The following MYRFL variants were observed in gnomAD, a reference collection of about 807,000 sequenced individuals.
MYRFL encodes the protein myelin regulatory factor like.
In MYRFL, 88 loss-of-function variants were observed where a neutral mutation model predicts 109.4. That is an observed-to-expected ratio of 0.80 (90% CI 0.68 to 0.96). The LOEUF (loss-of-function observed/expected upper bound fraction) is 0.96. MYRFL is among the 40% of genes least tolerant of loss of function. The probability of loss-of-function intolerance (pLI) is 0.00; values close to 1 mark genes in which losing one functional copy is unlikely to be tolerated. For missense variants in MYRFL, 957 were observed against 954.9 expected, an observed-to-expected ratio of 1.00 and a Z score of -0.03; for synonymous variants, 324 against 320.9, an observed-to-expected ratio of 1.01 and a Z score of -0.10.
At chr12:69,944,227 A>G (rs1431211053) in intron 19 of MYRFL, among the ~76,000 whole-genome samples, 3 of 132,750 alleles carry the variant, frequency 2.3e-5, no homozygotes, top group East Asian at 4.5e-4. Context: ...ATAAAGACAC[A>G]TGCACACGTA....
In MYRFL at chr12:69,934,416, GTGT is replaced by G. The variant is rs1367245676; in HGVS notation, c.1917-1695_1917-1693del. On this transcript the variant is annotated intron_variant, in intron 16 of 24. Coordinates refer to ENST00000552032, the MANE Select transcript of MYRFL (RefSeq NM_182530.3). ...AGAGGGGGTGTTAGGGTGCTAATTA[GTGT>G]TTTTAGCTCTGCCATCTGCAGCCCA... Among the ~76,000 whole-genome samples, 4 of 152,312 alleles carry G rather than the reference GTGT, an allele frequency of 2.6e-5. No individual in the cohort carries two copies. The East Asian group carries it at 7.7e-4, about 29-fold the overall frequency.
intron 2 of MYRFL, among the ~76,000 whole-genome samples, chr12:69,867,138 T>G (rs1233610964): frequency 6.6e-6 from 1 of 152,206 alleles, no homozygotes; most frequent in African/African-American, 2.4e-5. Flanking sequence ...AGTTGTCTGC[T>G]TAGGAGGAGC....
At chr12:69,940,769 G>A (rs1159021196) in intron 19 of MYRFL, among the ~76,000 whole-genome samples, 2 of 141,636 alleles carry the variant, frequency 1.4e-5, no homozygotes, top group African/African-American at 2.6e-5. Flanking sequence ...ACCCATCAGT[G>A]TGCTGTATTC....
Position 69,952,881 on chromosome 12 carries a change from G to C in MYRFL, c.2370G>C (p.Gln790His). ...ATCAGTATTGCATTCAAAGCCTCCA[G>C]TGCGGGTAGGTAAGCCTCCCCAGCA... ...IDHQYCIQSL[Q>H]CGSGNYNYNI... The change falls in exon 21 of 25, where the codon CAG becomes CAC. Residue 790 changes from glutamine to histidine, a missense_variant. Transcript: ENST00000552032. 1 of 1,533,716 alleles carries C rather than the reference G, an allele frequency of 6.5e-7. No homozygotes were observed.
chr12:69,898,746 A>G (rs1372087839), intron 10 of MYRFL, among the ~76,000 whole-genome samples: 1 of 152,216 alleles, frequency 6.6e-6, no homozygotes, highest in Non-Finnish European at 1.5e-5. Flanking sequence ...ATAGTCTGCT[A>G]GTCACCTGCA....
rs141398047 is a variant in MYRFL at position 69,831,939 on chromosome 12, T to G, written c.46+6376T>G. On this transcript the variant is annotated intron_variant, in intron 1 of 24. Coordinates refer to ENST00000552032, the MANE Select transcript of MYRFL (RefSeq NM_182530.3). ...TGCAATTTGGAGCATACAGGCAGGC[T>G]AGGTTGTCTTTGGTATGCTTGAAGA... Among the ~76,000 whole-genome samples, 13 of 152,280 alleles carry G rather than the reference T, an allele frequency of 8.5e-5. No individual in the cohort carries two copies. In the East Asian group the frequency reaches 2.5e-3, roughly 29 times the overall value.
At chr12:69,937,910 G>A (rs112132275) in intron 19 of MYRFL, among the ~76,000 whole-genome samples, 27 of 152,320 alleles carry the variant, frequency 1.8e-4, no homozygotes, top group African/African-American at 6.0e-4. Flanking sequence ...GCTAGGTACT[G>A]TCATAAGTAG....
intron 19 of MYRFL, chr12:69,947,110 G>A (rs1955858356): frequency 1.3e-5 from 2 of 152,180 alleles, no homozygotes; most frequent in African/African-American, 2.4e-5. Context: ...AAGAGGAGAA[G>A]TCTAGGAAAG....
At chr12:69,957,591 AC>A (rs1251722367) in intron 22 of MYRFL, among the ~76,000 whole-genome samples, 4 of 152,060 alleles carry the variant, frequency 2.6e-5, no homozygotes, top group Non-Finnish European at 5.9e-5. Flanking sequence ...AAAAAAAGAA[AC>A]CATCATATAC....
chr12:69,839,968 A>G (rs575759792), intron 1 of MYRFL, among the ~76,000 whole-genome samples: 62 of 152,320 alleles, frequency 4.1e-4, no homozygotes, highest in Admixed American at 2.0e-3. Flanking sequence ...TTTTATTATT[A>G]TACTCTACAT....
At chr12:69,889,351 T>G (rs943023954) in intron 6 of MYRFL, among the ~76,000 whole-genome samples, 1 of 152,212 alleles carries the variant, frequency 6.6e-6, no homozygotes, top group Non-Finnish European at 1.5e-5. Flanking sequence ...GCATTTAATA[T>G]GTTTTCTTTT....
At chr12:69,868,860 GCACA>G (rs925578780) in intron 2 of MYRFL, among the ~76,000 whole-genome samples, 1 of 152,008 alleles carries the variant, frequency 6.6e-6, no homozygotes, top group African/African-American at 2.4e-5. Context: ...GCACACATGT[GCACA>G]CACACGCGCA....
intron 1 of MYRFL, among the ~76,000 whole-genome samples, chr12:69,852,732 C>T (rs1257482309): frequency 2.0e-5 from 3 of 151,780 alleles, no homozygotes; most frequent in African/African-American, 7.3e-5. Context: ...GAGGACCCTG[C>T]CGCCTTCCGC....
intron 1 of MYRFL, among the ~76,000 whole-genome samples, chr12:69,836,859 T>C (rs1266032506): frequency 2.0e-5 from 3 of 152,154 alleles, no homozygotes; most frequent in African/African-American, 2.4e-5. Flanking sequence ...TTTGTGAAAA[T>C]GTTAGAAAAA....
intron 15 of MYRFL, among the ~76,000 whole-genome samples, chr12:69,928,978 T>A (rs1955186110): frequency 6.6e-6 from 1 of 152,182 alleles, no homozygotes; most frequent in South Asian, 2.1e-4. Context: ...TTTGCAGTTA[T>A]CTCAGAATAT....
intron 15 of MYRFL, among the ~76,000 whole-genome samples, 167 bp from the exon 16 acceptor site, chr12:69,932,346 T>A (rs1051078173): frequency 6.6e-6 from 1 of 152,222 alleles, no homozygotes; most frequent in Non-Finnish European, 1.5e-5. Context: ...TTTGAAAGAA[T>A]GTTGTTTTCA....
rs375204441 is a variant in MYRFL, at chr12:69,882,315, GAAAGA to G, written c.556+2027_556+2031del. On this transcript the variant is annotated intron_variant, in intron 5 of 24. Transcript: ENST00000552032. ...CAAGGCCAAAAAAAGAAAAAAGAAA[GAAAGA>G]AAAAAAAGACACAAAACAAAACATT... Among the ~76,000 whole-genome samples, 738 of 146,746 alleles carry G rather than the reference GAAAGA, an allele frequency of 5.0e-3. 8 individuals carry two copies. Among genetic ancestry groups the G allele is most frequent in the African/African-American group, 0.019 (710 of 37,984 alleles).
At chr12:69,879,733 G>A (rs529745480) in intron 4 of MYRFL, among the ~76,000 whole-genome samples, 3 of 152,328 alleles carry the variant, frequency 2.0e-5, no homozygotes, top group African/African-American at 7.2e-5. Context: ...AGCTTATGCA[G>A]CCTCAGCTAG....
chr12:69,937,414 T>C (rs1171156032), intron 19 of MYRFL, among the ~76,000 whole-genome samples: 3 of 152,206 alleles, frequency 2.0e-5, no homozygotes, highest in Non-Finnish European at 4.4e-5. Context: ...GGCTTCTTTA[T>C]GGCAACAATT....
Sources: allele counts gnomAD v4.1 joint callset (sites outside exome capture counted in the v4.1 genomes callset), GRCh38; gene constraint gnomAD v4.1.1; transcripts MANE v1.5; gene names NCBI Gene and HGNC (gene_info 2026-07-23, HGNC 2026-07-21).